LRRTM4: variants seen among roughly 807,000 people sequenced by gnomAD.
The protein encoded by LRRTM4 is leucine rich repeat transmembrane neuronal 4.
Under a neutral mutation model 47.6 loss-of-function variants are expected in LRRTM4, and 25 were observed. That is an observed-to-expected ratio of 0.53 (90% CI 0.38 to 0.73). LRRTM4 has a LOEUF of 0.73. Among genes scored for constraint, LRRTM4 ranks in the 30% least tolerant of loss-of-function variants. The pLI, the probability that LRRTM4 is intolerant of heterozygous loss-of-function variation, is 0.00. For missense variants in LRRTM4, 638 were observed against 713.4 expected (o/e 0.89, Z 1.20); for synonymous variants, 311 against 269.5 (o/e 1.15, Z -1.51).
At chr2:77,376,723 A>G (rs1162445850) in intron 3 of LRRTM4, among the ~76,000 whole-genome samples, 1 of 151,882 alleles carries the variant, frequency 6.6e-6, no homozygotes, top group Non-Finnish European at 1.5e-5. Flanking sequence ...ATGATTTATC[A>G]TGCTATCAAC....
rs1362075086 is a variant in LRRTM4, at chr2:76,841,074, A to T, written c.1552-92158T>A. Among the ~76,000 whole-genome samples the T allele has an allele frequency of 9.8e-5, 14 of 142,546 alleles. No individual in the cohort carries two copies. The East Asian group carries it at 1.4e-3, about 14-fold the overall frequency. 93.5% of individuals were successfully genotyped at this position (142,546 alleles called of 152,430 possible). Reference sequence around the variant, plus strand: ...GATTAAGAAAATGTGGCACATAGACACCATGGAATACTATGCAGCCATAAA... The same window carrying T: ...GATTAAGAAAATGTGGCACATAGACTCCATGGAATACTATGCAGCCATAAA... On this transcript the variant is annotated intron_variant, in intron 3 of 3. Coordinates refer to ENST00000409884, the MANE Select transcript of LRRTM4 (RefSeq NM_001134745.3).
chr2:77,111,482 C>A (rs2103935418), intron 3 of LRRTM4, among the ~76,000 whole-genome samples: 1 of 151,930 alleles, frequency 6.6e-6, no homozygotes, highest in South Asian at 2.1e-4. Context: ...CCCAGGTCAA[C>A]CAAAGTGCGA....
chr2:77,155,409 A>G (rs1244665773), intron 3 of LRRTM4, among the ~76,000 whole-genome samples: 1 of 151,946 alleles, frequency 6.6e-6, no homozygotes, highest in African/African-American at 2.4e-5. Flanking sequence ...TGTATTTCCT[A>G]ATCCAGTCTG....
At chr2:77,074,584 T>C (rs1246148417) in intron 3 of LRRTM4, among the ~76,000 whole-genome samples, 6 of 152,156 alleles carry the variant, frequency 3.9e-5, no homozygotes, top group Non-Finnish European at 7.4e-5. Flanking sequence ...TTACCCATTT[T>C]TACATATGTG....
intron 3 of LRRTM4, among the ~76,000 whole-genome samples, chr2:77,188,857 C>T (rs567359867): frequency 9.9e-5 from 15 of 152,216 alleles, no homozygotes; most frequent in African/African-American, 3.4e-4. Context: ...AATTCTAATC[C>T]ACCAGTGAGT....
At chr2:77,261,109 C>CAT (rs1398856449) in intron 3 of LRRTM4, among the ~76,000 whole-genome samples, 2 of 151,732 alleles carry the variant, frequency 1.3e-5, no homozygotes, top group Admixed American at 1.3e-4. Context: ...AAGGATTGAG[C>CAT]ATATTGTCAG....
chr2:77,479,474 G>T (rs1406920918), intron 3 of LRRTM4, among the ~76,000 whole-genome samples: 1 of 152,148 alleles, frequency 6.6e-6, no homozygotes, highest in Non-Finnish European at 1.5e-5. Flanking sequence ...AGTCGTCAGG[G>T]TTTACCGGAC....
At chr2:77,476,866 A>G (rs1573466056) in intron 3 of LRRTM4, among the ~76,000 whole-genome samples, 1 of 151,998 alleles carries the variant, frequency 6.6e-6, no homozygotes, top group East Asian at 1.9e-4. Context: ...AATTCTCTTT[A>G]TTTTTCCTCA....
At chr2:77,394,082 T>G (rs13418596) in intron 3 of LRRTM4, among the ~76,000 whole-genome samples, 2,103 of 152,046 alleles carry the variant, frequency 0.014, 55 homozygotes, top group African/African-American at 0.048. Context: ...CAGGAATCCC[T>G]CTGTATTGTA....
At chr2:76,983,866 A>C (rs1446715) in intron 3 of LRRTM4, among the ~76,000 whole-genome samples, 3,413 of 152,154 alleles carry the variant, frequency 0.022, 145 homozygotes, top group African/African-American at 0.078. Flanking sequence ...ACAAACAGCT[A>C]ATCAAATCGG....
At chr2:77,142,148 T>A (rs1168158738) in intron 3 of LRRTM4, among the ~76,000 whole-genome samples, 1 of 152,146 alleles carries the variant, frequency 6.6e-6, no homozygotes, top group African/African-American at 2.4e-5. Context: ...TTCTGGAAAA[T>A]GGTTTCTAAA....
chr2:76,936,771 T>C (rs1379469416), intron 3 of LRRTM4, among the ~76,000 whole-genome samples: 1 of 149,746 alleles, frequency 6.7e-6, no homozygotes, highest in African/African-American at 2.5e-5. Context: ...TCTGGCCAAA[T>C]GGTGAATCCC....
At chr2:77,253,609 C>T (rs1227548543) in intron 3 of LRRTM4, among the ~76,000 whole-genome samples, 1 of 151,922 alleles carries the variant, frequency 6.6e-6, no homozygotes, top group East Asian at 1.9e-4. Flanking sequence ...TAACAGATGC[C>T]AACAATGAGA....
chr2:76,786,088 T>C (rs1163824272), intron 3 of LRRTM4, among the ~76,000 whole-genome samples: 1 of 152,090 alleles, frequency 6.6e-6, no homozygotes, highest in Admixed American at 6.5e-5. Context: ...CATTTTCACA[T>C]TTTCAACCCT....
chr2:77,324,674 C>T (rs139761104), intron 3 of LRRTM4, among the ~76,000 whole-genome samples: 71 of 152,106 alleles, frequency 4.7e-4, no homozygotes, highest in Admixed American at 6.6e-4. Context: ...GAGAGGTTGA[C>T]GAAAACAAGA....
At chr2:76,961,939 T>A (rs1027671650) in intron 3 of LRRTM4, among the ~76,000 whole-genome samples, 2 of 151,360 alleles carry the variant, frequency 1.3e-5, no homozygotes, top group Non-Finnish European at 3.0e-5. Flanking sequence ...CAATTATGAA[T>A]TTATTCAATG....
At chr2:77,469,844 T>C (rs1677118243) in intron 3 of LRRTM4, among the ~76,000 whole-genome samples, 1 of 152,184 alleles carries the variant, frequency 6.6e-6, no homozygotes, top group Non-Finnish European at 1.5e-5. Context: ...ATACTCTTGA[T>C]GACATTTTTA....
chr2:77,032,891 G>C (rs369061659), intron 3 of LRRTM4, among the ~76,000 whole-genome samples: 231 of 152,172 alleles, frequency 1.5e-3, no homozygotes, highest in African/African-American at 5.2e-3. Context: ...TTTCTTCCTT[G>C]CTGGGTTCTA....
At chr2:77,164,342 C>A (rs150222295) in intron 3 of LRRTM4, among the ~76,000 whole-genome samples, 2,265 of 152,258 alleles carry the variant, frequency 0.015, 13 homozygotes, top group Middle Eastern at 0.034. Context: ...AGGACTTAGA[C>A]TCCCATACAA....
Sources: gnomAD v4.1 joint callset for allele counts (sites outside exome capture counted in the v4.1 genomes callset) on GRCh38, gnomAD v4.1.1 for gene constraint, MANE v1.5 for transcripts, NCBI Gene and HGNC (gene_info 2026-07-23, HGNC 2026-07-21) for gene names.